MGMT: variants seen among roughly 807,000 people sequenced by gnomAD.
MGMT encodes methylated-DNA--protein-cysteine methyltransferase.
MGMT carries 14 observed loss-of-function variants against 15.9 expected under a neutral mutation model. The observed-to-expected ratio is 0.88, with a 90% CI of 0.58 to 1.37. MGMT has a LOEUF of 1.37. Ranked by LOEUF, MGMT falls within the 40% of genes most tolerant of loss-of-function variation. The pLI is 0.00. For synonymous variants in MGMT, 130 were observed against 118.2 expected, an observed-to-expected ratio of 1.10 and a Z score of -0.65; for missense variants, 282 against 268.1, an observed-to-expected ratio of 1.05 and a Z score of -0.36.
intron 3 of MGMT, among the ~76,000 whole-genome samples, chr10:129,757,504 A>C (rs142911961): frequency 1.2e-4 from 19 of 152,352 alleles, no homozygotes; most frequent in African/African-American, 4.3e-4. Context: ...GTGTTCGCCG[A>C]GGAAGGCAGG....
chr10:129,648,217 C>T lies in MGMT; in HGVS notation c.126-59678C>T, dbSNP rs964110603. On this transcript the variant is annotated intron_variant, in intron 2 of 4. Transcript: ENST00000651593. ...CAAGGGAAAATATTTCATCTTGCAC[C>T]GCGAACTCCAGTCTGTAGAGATTTT... 4.6e-5 allele frequency among the ~76,000 whole-genome samples: 7 copies of T among 151,696 alleles called. No individual in the cohort carries two copies. In the East Asian group the frequency reaches 5.8e-4, roughly 13 times the overall value.
intron 4 of MGMT, among the ~76,000 whole-genome samples, chr10:129,759,730 G>A (rs61876579): frequency 5.2e-4 from 68 of 129,808 alleles, no homozygotes; most frequent in African/African-American, 1.7e-3. Flanking sequence ...GCAGCTAACA[G>A]ACAGAAAGGT....
intron 4 of MGMT, among the ~76,000 whole-genome samples, chr10:129,764,395 C>T (rs976438470): frequency 6.6e-6 from 1 of 152,246 alleles, no homozygotes; most frequent in Non-Finnish European, 1.5e-5. Flanking sequence ...GGGCCACACC[C>T]ACCAGGTGAA....
chr10:129,667,451 A>G (rs2133110011), intron 2 of MGMT, among the ~76,000 whole-genome samples: 1 of 152,214 alleles, frequency 6.6e-6, no homozygotes, highest in African/African-American at 2.4e-5. Context: ...ACTGCATGTC[A>G]CCGTAGCTTG....
At chr10:129,515,812 G>A (rs1413943135) in intron 1 of MGMT, among the ~76,000 whole-genome samples, 1 of 151,624 alleles carries the variant, frequency 6.6e-6, no homozygotes, top group African/African-American at 2.4e-5. Context: ...GTTGATGACA[G>A]CCTCTAACAG....
chr10:129,479,939 A>G (rs935050597), intron 1 of MGMT, among the ~76,000 whole-genome samples: 1 of 152,216 alleles, frequency 6.6e-6, no homozygotes, highest in African/African-American at 2.4e-5. Context: ...CCCATTAGAA[A>G]TTAGCAGTGA....
intron 3 of MGMT, among the ~76,000 whole-genome samples, chr10:129,731,943 T>C (rs1003997017): frequency 1.3e-5 from 2 of 152,130 alleles, no homozygotes; most frequent in African/African-American, 2.4e-5. Flanking sequence ...GAAAACTCTT[T>C]TGTCACCTGT....
At chr10:129,671,729 G>A (rs564070525) in intron 2 of MGMT, among the ~76,000 whole-genome samples, 1 of 152,186 alleles carries the variant, frequency 6.6e-6, no homozygotes, top group African/African-American at 2.4e-5. Flanking sequence ...GTGGTTAAAA[G>A]TATCATCTCA....
intron 2 of MGMT, among the ~76,000 whole-genome samples, chr10:129,564,889 G>A (rs71476169): frequency 6.6e-6 from 1 of 151,884 alleles, no homozygotes; most frequent in African/African-American, 2.4e-5. Flanking sequence ...CCCTCCCAGC[G>A]CCCACCTATG....
At chr10:129,683,178 C>A (rs1263538992) in intron 2 of MGMT, among the ~76,000 whole-genome samples, 1 of 152,152 alleles carries the variant, frequency 6.6e-6, no homozygotes, top group African/African-American at 2.4e-5. Context: ...AGAAAATGGA[C>A]AAGAGAGCAG....
chr10:129,579,815 T>G (rs1420652332), intron 2 of MGMT, among the ~76,000 whole-genome samples: 1 of 152,220 alleles, frequency 6.6e-6, no homozygotes, highest in Non-Finnish European at 1.5e-5. Flanking sequence ...ACTCTGTGAT[T>G]TTGGGAAAGT....
At chr10:129,762,814 T>C (rs1848890427) in intron 4 of MGMT, among the ~76,000 whole-genome samples, 1 of 152,048 alleles carries the variant, frequency 6.6e-6, no homozygotes, top group Admixed American at 6.6e-5. Flanking sequence ...CTTAGCATCA[T>C]GTTCTAAGTG....
In MGMT at chr10:129,646,747, TA is replaced by T. The variant is rs961261855; in HGVS notation, c.126-61147del. Among the ~76,000 whole-genome samples, 27 of 111,230 alleles carry T rather than the reference TA, an allele frequency of 2.4e-4. 2 individuals carry two copies. Among genetic ancestry groups the T allele is most frequent in the Admixed American group, 5.0e-4 (5 of 10,052 alleles). 73.0% of individuals were successfully genotyped at this position (111,230 alleles called of 152,430 possible). A position where few individuals can be genotyped will look rare whatever the true frequency, so the allele number is the denominator to read the frequency against. Reference sequence around the variant, plus strand: ...ATATATATATATATATATATATATATATATATATTTTCAGGGAATGGTAGAG... The same window carrying T: ...ATATATATATATATATATATATATATTATATATTTTCAGGGAATGGTAGAG... On this transcript the variant is annotated intron_variant, in intron 2 of 4. Coordinates refer to ENST00000651593, the MANE Select transcript of MGMT (RefSeq NM_002412.5).
intron 1 of MGMT, among the ~76,000 whole-genome samples, chr10:129,520,967 C>A (rs367923191): frequency 3.4e-5 from 3 of 87,032 alleles, no homozygotes; most frequent in African/African-American, 2.2e-4. Context: ...AGAGCCCCTA[C>A]GGTGAGGGTG....
intron 3 of MGMT, among the ~76,000 whole-genome samples, chr10:129,740,843 C>A (rs7096238): frequency 0.48 from 72,805 of 151,998 alleles, 17,786 homozygotes; most frequent in Admixed American, 0.57. Context: ...CACACTGAAC[C>A]GAGCCTGGTA....
chr10:129,727,971 C>T (rs954705279), intron 3 of MGMT, among the ~76,000 whole-genome samples: 1 of 152,164 alleles, frequency 6.6e-6, no homozygotes, highest in Non-Finnish European at 1.5e-5. Flanking sequence ...CTGGCTGGAG[C>T]AGGGGAGGGT....
chr10:129,613,482 T>G (rs915620856), intron 2 of MGMT, among the ~76,000 whole-genome samples: 1 of 152,194 alleles, frequency 6.6e-6, no homozygotes, highest in African/African-American at 2.4e-5. Context: ...CTCATCTGAC[T>G]TGCCCTGTAG....
At chr10:129,558,578 T>C (rs1156251350) in intron 2 of MGMT, among the ~76,000 whole-genome samples, 2 of 152,146 alleles carry the variant, frequency 1.3e-5, no homozygotes, top group Admixed American at 1.3e-4. Context: ...TTTCCTGTTT[T>C]CTCTTTTAAA....
chr10:129,578,049 A>T (rs1846507185), intron 2 of MGMT, among the ~76,000 whole-genome samples: 1 of 152,196 alleles, frequency 6.6e-6, no homozygotes, highest in Non-Finnish European at 1.5e-5. Flanking sequence ...GCTGGAGAGG[A>T]TGTGGAGAAA....
Sources: allele counts gnomAD v4.1 joint callset (sites outside exome capture counted in the v4.1 genomes callset), GRCh38; gene constraint gnomAD v4.1.1; transcripts MANE v1.5; gene names NCBI Gene and HGNC (gene_info 2026-07-23, HGNC 2026-07-21).